The following CNTN5 variants were observed in gnomAD, a reference collection of about 807,000 sequenced individuals.
CNTN5 encodes contactin-5.
CNTN5 carries 77 observed loss-of-function variants against 129.1 expected under a neutral mutation model. The observed-to-expected ratio is 0.60, with a 90% CI of 0.50 to 0.72. CNTN5 has a LOEUF of 0.72. Among genes scored for constraint, CNTN5 ranks in the 30% least tolerant of loss-of-function variants. The probability of loss-of-function intolerance (pLI) is 0.00; values close to 1 mark genes in which losing one functional copy is unlikely to be tolerated. For synonymous variants in CNTN5, 509 were observed against 465.6 expected (o/e 1.09, Z -1.20); for missense variants, 1,478 against 1,328.8 (o/e 1.11, Z -1.75).
chr11:99,886,683 T>C (rs1373050), intron 6 of CNTN5, among the ~76,000 whole-genome samples: 97,335 of 152,024 alleles, frequency 0.64, 31,651 homozygotes, highest in African/African-American at 0.72. Flanking sequence ...TGGGTATCAA[T>C]AGAAACATGG....
intron 9 of CNTN5, among the ~76,000 whole-genome samples, chr11:100,040,756 G>A (rs182404347): frequency 6.6e-6 from 1 of 152,212 alleles, no homozygotes; most frequent in African/African-American, 2.4e-5. Context: ...AGACTCTGTG[G>A]GCGTAGGACC....
chr11:99,353,430 G>A (rs997145005), intron 2 of CNTN5, among the ~76,000 whole-genome samples: 1 of 152,138 alleles, frequency 6.6e-6, no homozygotes, highest in Non-Finnish European at 1.5e-5. Context: ...TAGTATTTGG[G>A]AAAGTAAGAG....
chr11:99,321,301 C>T (rs756729463), intron 1 of CNTN5, among the ~76,000 whole-genome samples: 23 of 150,504 alleles, frequency 1.5e-4, no homozygotes, highest in Non-Finnish European at 2.1e-4. Flanking sequence ...AGAACACTGA[C>T]TAATACAGAA....
In CNTN5 at chr11:99,538,128, C is replaced by T. The variant is rs530290502; in HGVS notation, c.-70-18017C>T. Among the ~76,000 whole-genome samples the T allele has an allele frequency of 2.6e-5, 4 of 152,234 alleles. No homozygotes were observed. In the East Asian group the frequency reaches 7.7e-4, roughly 29 times the overall value. ...TTACACTTCAAGTCTGTAGTAAAAC[C>T]TTGAGACAGTATTTTAAAATATGCA... On this transcript the variant is annotated intron_variant, in intron 2 of 24. Transcript: ENST00000524871.
chr11:99,486,452 G>A (rs1945815663), intron 2 of CNTN5, among the ~76,000 whole-genome samples: 1 of 151,868 alleles, frequency 6.6e-6, no homozygotes, highest in Non-Finnish European at 1.5e-5. Context: ...ATAATAGTCA[G>A]TATATTATTC....
chr11:99,060,604 A>ATT (rs34029255), intron 1 of CNTN5, among the ~76,000 whole-genome samples: 9 of 151,280 alleles, frequency 5.9e-5, no homozygotes, highest in South Asian at 2.1e-4. Context: ...TAAAATATGG[A>ATT]TTTTTTTTTC....
intron 3 of CNTN5, among the ~76,000 whole-genome samples, chr11:99,648,154 T>C (rs1362269101): frequency 6.6e-6 from 1 of 152,014 alleles, no homozygotes; most frequent in African/African-American, 2.4e-5. Context: ...TTTTAGTAAA[T>C]GCTGTTTCTG....
intron 2 of CNTN5, among the ~76,000 whole-genome samples, chr11:99,539,235 G>A (rs1424189680): frequency 2.6e-5 from 4 of 152,030 alleles, no homozygotes; most frequent in Admixed American, 6.6e-5. Flanking sequence ...TCCTAGTTAA[G>A]ATGTAAATGT....
chr11:99,298,621 G>A (rs1486667718), intron 1 of CNTN5, among the ~76,000 whole-genome samples: 1 of 152,194 alleles, frequency 6.6e-6, no homozygotes, highest in East Asian at 1.9e-4. Flanking sequence ...TACCAAAGTT[G>A]TTATAATATA....
At chr11:99,886,114 A>G (rs1365403319) in intron 6 of CNTN5, among the ~76,000 whole-genome samples, 6 of 152,124 alleles carry the variant, frequency 3.9e-5, no homozygotes, top group Admixed American at 3.3e-4. Flanking sequence ...AGTCAAAACT[A>G]TAAAACATTT....
intron 1 of CNTN5, among the ~76,000 whole-genome samples, chr11:99,173,468 T>A (rs1041336176): frequency 6.6e-6 from 1 of 152,248 alleles, no homozygotes; most frequent in Non-Finnish European, 1.5e-5. Context: ...TCTTACTAGA[T>A]ATTATTGGTC....
At chr11:99,578,820 G>A (rs1949461826) in intron 3 of CNTN5, among the ~76,000 whole-genome samples, 1 of 152,170 alleles carries the variant, frequency 6.6e-6, no homozygotes, top group Admixed American at 6.5e-5. Flanking sequence ...CTGTGCAGAA[G>A]CTCTTTAGTT....
At chr11:100,330,777 GA>G (rs1951890470) in intron 21 of CNTN5, among the ~76,000 whole-genome samples, 1 of 152,138 alleles carries the variant, frequency 6.6e-6, no homozygotes, top group Non-Finnish European at 1.5e-5. Flanking sequence ...AACAAATGCT[GA>G]GAGAATTCAC....
Position 99,907,715 on chromosome 11 carries a change from G to T in CNTN5, c.578-8339G>T, listed in dbSNP as rs186976592. On this transcript the variant is annotated intron_variant, in intron 6 of 24. Coordinates refer to ENST00000524871, the MANE Select transcript of CNTN5 (RefSeq NM_014361.4). ...ATATATATGACACATTTTCTCAACTGTAATGGAAGAATATTCATTTCAGCA... is the reference window on the plus strand; with the variant it reads ...ATATATATGACACATTTTCTCAACTTTAATGGAAGAATATTCATTTCAGCA... Among the ~76,000 whole-genome samples, 22 of 151,914 alleles carry T rather than the reference G, an allele frequency of 1.4e-4. No homozygotes were observed. In the East Asian group the frequency reaches 4.2e-3, roughly 29 times the overall value.
chr11:99,940,777 G>A (rs144077044), intron 7 of CNTN5, among the ~76,000 whole-genome samples: 423 of 152,018 alleles, frequency 2.8e-3, no homozygotes, highest in Non-Finnish European at 4.8e-3. Context: ...ATCTACCACT[G>A]GAAAATATGG....
chr11:99,402,613 C>T (rs1294336533), intron 2 of CNTN5, among the ~76,000 whole-genome samples: 2 of 152,142 alleles, frequency 1.3e-5, no homozygotes, highest in African/African-American at 4.8e-5. Flanking sequence ...AGCATTCCCT[C>T]CTCCTCTAGT....
At chr11:99,616,862 G>A (rs925736709) in intron 3 of CNTN5, among the ~76,000 whole-genome samples, 27 of 152,336 alleles carry the variant, frequency 1.8e-4, no homozygotes, top group African/African-American at 5.8e-4. Context: ...TGTAATCCCA[G>A]CACTTTGGGA....
intron 6 of CNTN5, among the ~76,000 whole-genome samples, chr11:99,845,511 T>C (rs922072821): frequency 6.7e-6 from 1 of 150,108 alleles, no homozygotes; most frequent in Non-Finnish European, 1.5e-5. Flanking sequence ...TAGCTGGGAC[T>C]ACAGGCGCCC....
chr11:99,897,271 G>A (rs1293949723), intron 6 of CNTN5, among the ~76,000 whole-genome samples: 1 of 152,134 alleles, frequency 6.6e-6, no homozygotes, highest in Admixed American at 6.6e-5. Flanking sequence ...GCTAGAGGTA[G>A]ATATTCGGAT....
Sources: allele counts gnomAD v4.1 joint callset (sites outside exome capture counted in the v4.1 genomes callset), GRCh38; gene constraint gnomAD v4.1.1; transcripts MANE v1.5; gene names NCBI Gene and HGNC (gene_info 2026-07-23, HGNC 2026-07-21).